Variants in WDFY2 observed in about 807,000 individuals in gnomAD.
The protein encoded by WDFY2 is WD repeat and FYVE domain-containing protein 2.
A neutral mutation model predicts 56.4 loss-of-function variants in WDFY2; 36 were observed. The observed-to-expected ratio is 0.64, with a 90% confidence interval of 0.49 to 0.84. The LOEUF (loss-of-function observed/expected upper bound fraction) is 0.84, where lower values mean the gene tolerates loss of function less well. Ranked by LOEUF, WDFY2 falls within the 40% of genes least tolerant of loss-of-function variation. WDFY2 has a pLI of 0.00. For missense variants in WDFY2, 444 were observed against 512.2 expected (o/e 0.87, Z 1.29); for synonymous variants, 176 against 183.7 (o/e 0.96, Z 0.34).
intron 4 of WDFY2, among the ~76,000 whole-genome samples, chr13:51,711,905 A>G (rs759611838): frequency 1.5e-4 from 23 of 152,252 alleles, no homozygotes; most frequent in Admixed American, 1.4e-3. Context: ...ATCTAGAACT[A>G]GAAATACCAT....
chr13:51,653,960 G>T (rs1461556197), intron 1 of WDFY2, among the ~76,000 whole-genome samples: 1 of 152,210 alleles, frequency 6.6e-6, no homozygotes, highest in Non-Finnish European at 1.5e-5. Context: ...TAAGTCTGCA[G>T]AGGTTTCTGC....
intron 1 of WDFY2, among the ~76,000 whole-genome samples, chr13:51,652,080 G>T (rs1049527246): frequency 6.6e-6 from 1 of 152,188 alleles, no homozygotes; most frequent in Admixed American, 6.5e-5. Context: ...TTATGTATCT[G>T]GGTGCTCCTG....
chr13:51,703,610 A>G lies in WDFY2; in HGVS notation c.294A>G (p.Ser98=), dbSNP rs779656503. The change falls in exon 4 of 12, where the codon TCA becomes TCG. Residue 98 remains serine (S), a synonymous_variant. Transcript: ENST00000298125. ...TTCTTTTACAGGAGTTTATATTGTC[A>G]GAAGATTATAACAAGATGACTCCTG... ...DNGTISEFIL[S]EDYNKMTPVK... is the part of the protein sequence containing the mutation. 4.4e-6 allele frequency: 7 copies of G among 1,608,126 alleles called. No homozygotes were observed. The East Asian group carries it at 1.3e-4, about 31-fold the overall frequency.
chr13:51,754,062 C>T (rs1284564908), intron 8 of WDFY2, among the ~76,000 whole-genome samples: 1 of 147,148 alleles, frequency 6.8e-6, no homozygotes, highest in East Asian at 2.0e-4. Flanking sequence ...CACTGCACTC[C>T]AGCCTGGGCA....
At chr13:51,622,627 T>A (rs1266274005) in intron 1 of WDFY2, among the ~76,000 whole-genome samples, 1 of 152,242 alleles carries the variant, frequency 6.6e-6, no homozygotes, top group Admixed American at 6.5e-5. Context: ...ATAACATTCA[T>A]GCATTTGTTC....
At chr13:51,601,850 C>T (rs544854693) in intron 1 of WDFY2, among the ~76,000 whole-genome samples, 1 of 152,286 alleles carries the variant, frequency 6.6e-6, no homozygotes, top group African/African-American at 2.4e-5. Flanking sequence ...AGTGTGGAGC[C>T]TCCATGGAAA....
At chr13:51,735,185 G>A (rs1042319095) in intron 6 of WDFY2, among the ~76,000 whole-genome samples, 6 of 152,158 alleles carry the variant, frequency 3.9e-5, no homozygotes, top group African/African-American at 7.2e-5. Context: ...CCCACCAGCC[G>A]CCATCCCAGG....
Position 51,615,461 on chromosome 13 carries a change from G to C in WDFY2, c.137+30637G>C, listed in dbSNP as rs913351874. Among the ~76,000 whole-genome samples the C allele has an allele frequency of 4.6e-5, 7 of 152,170 alleles. No homozygotes were observed. In the South Asian group the frequency reaches 1.5e-3, roughly 32 times the overall value. ...AAGGCACTTTTCATATATTTTGATA[G>C]TACTGTTGATACCATCACTTTGAAG... is the stretch of plus-strand genomic sequence containing the variant. On this transcript the variant is annotated intron_variant, in intron 1 of 11. Transcript: ENST00000298125.
chr13:51,734,399 T>A (rs1269388828), intron 6 of WDFY2, among the ~76,000 whole-genome samples: 1 of 152,178 alleles, frequency 6.6e-6, no homozygotes, highest in East Asian at 1.9e-4. Context: ...ACTTAAAAGT[T>A]GAGAAAAATC....
chr13:51,719,431 C>T, intron 5 of WDFY2, 83 bp downstream of exon 5: 1 of 1,461,600 alleles, frequency 6.8e-7, no homozygotes, highest in African/African-American at 1.4e-5. Flanking sequence ...GTATGTGCAG[C>T]TTGAAAGTTT....
At position 51,762,155 on chromosome 13, in the gene WDFY2, G is replaced by A. The variant is rs1953603865; in HGVS notation, c.*2386G>A. 6.6e-6 allele frequency: 1 copy of A among 152,186 alleles called. No individual in the cohort carries two copies. The highest frequency in any genetic ancestry group is 1.5e-5 in the Non-Finnish European group (1 of 68,068). The allele number at this position is 152,186 out of a possible 1,614,324, so 9.4% of individuals were successfully genotyped here. A position where few individuals can be genotyped will look rare whatever the true frequency, so the allele number is the denominator to read the frequency against. ...ACTCCATTTTCCCTTCCTAAACTTTGAGCTTGGCCTGCCGGCAGAGAGAGG... is the reference window on the plus strand; with the variant it reads ...ACTCCATTTTCCCTTCCTAAACTTTAAGCTTGGCCTGCCGGCAGAGAGAGG... On this transcript the variant is annotated 3_prime_UTR_variant, in exon 12 of 12. Coordinates refer to ENST00000298125, the MANE Select transcript of WDFY2 (RefSeq NM_052950.4).
chr13:51,719,039 A>G (rs1160166821), intron 4 of WDFY2, among the ~76,000 whole-genome samples, 159 bp from the exon 5 acceptor site: 2 of 151,982 alleles, frequency 1.3e-5, no homozygotes, highest in African/African-American at 4.8e-5. Flanking sequence ...AATACCCCCA[A>G]CCCCCACGAG....
At chr13:51,645,284 G>A (rs934920626) in intron 1 of WDFY2, among the ~76,000 whole-genome samples, 4 of 151,832 alleles carry the variant, frequency 2.6e-5, no homozygotes, top group African/African-American at 9.7e-5. Context: ...AGTATTCCCT[G>A]GAAATTCAGG....
intron 1 of WDFY2, among the ~76,000 whole-genome samples, chr13:51,613,256 C>G (rs1954538655): frequency 1.3e-5 from 2 of 152,080 alleles, no homozygotes; most frequent in African/African-American, 2.4e-5. Context: ...GCTCCAGTCT[C>G]CTGGAGCTTA....
At chr13:51,629,496 T>C (rs1342394495) in intron 1 of WDFY2, among the ~76,000 whole-genome samples, 2 of 152,218 alleles carry the variant, frequency 1.3e-5, no homozygotes, top group Non-Finnish European at 2.9e-5. Flanking sequence ...TTTTTTAGTT[T>C]TCTCTATTTA....
intron 2 of WDFY2, among the ~76,000 whole-genome samples, chr13:51,670,507 A>G (rs1955788821): frequency 6.7e-6 from 1 of 149,308 alleles, no homozygotes; most frequent in Admixed American, 6.7e-5. Flanking sequence ...ACACACACAC[A>G]CACACACACA....
chr13:51,698,144 C>G (rs1193475338), intron 3 of WDFY2, among the ~76,000 whole-genome samples: 1 of 152,166 alleles, frequency 6.6e-6, no homozygotes, highest in African/African-American at 2.4e-5. Context: ...CAATTTGGTT[C>G]CAGTGCCCAA....
chr13:51,675,331 A>G (rs1955868568), intron 3 of WDFY2, 88 bp downstream of exon 3: 2 of 1,265,288 alleles, frequency 1.6e-6, no homozygotes, highest in Non-Finnish European at 2.2e-6. Context: ...TCAAGTTAAC[A>G]GAAGAATTTT....
intron 3 of WDFY2, among the ~76,000 whole-genome samples, chr13:51,691,881 G>A (rs2138547324): frequency 6.6e-6 from 1 of 151,888 alleles, no homozygotes; most frequent in East Asian, 1.9e-4. Flanking sequence ...GTTGAGCAGT[G>A]GTTTGTAGTT....
Sources: allele counts gnomAD v4.1 joint callset (sites outside exome capture counted in the v4.1 genomes callset), GRCh38; gene constraint gnomAD v4.1.1; transcripts MANE v1.5; gene names NCBI Gene and HGNC (gene_info 2026-07-23, HGNC 2026-07-21).